Variants in IVNS1ABP observed in about 807,000 individuals in gnomAD.
IVNS1ABP encodes influenza virus NS1A-binding protein.
Under a neutral mutation model 78.9 loss-of-function variants are expected in IVNS1ABP, and 25 were observed. The ratio of observed to expected loss-of-function variants is 0.32; its 90% CI spans 0.23 to 0.44. The LOEUF (loss-of-function observed/expected upper bound fraction) is 0.44, where lower values mean the gene tolerates loss of function less well. IVNS1ABP is among the 20% of genes least tolerant of loss of function. The pLI, the probability that IVNS1ABP is intolerant of heterozygous loss-of-function variation, is 1.00. For missense variants in IVNS1ABP, 494 were observed against 768.9 expected (o/e 0.64, Z 4.23); for synonymous variants, 241 against 259.7 (o/e 0.93, Z 0.69).
intron 10 of IVNS1ABP, 165 bp from the exon 11 acceptor site, chr1:185,300,723 TC>T (rs1665569892): frequency 2.7e-6 from 2 of 751,308 alleles, no homozygotes; most frequent in Admixed American, 5.9e-5. Flanking sequence ...AGCTGAAAAA[TC>T]GCATTATCAG....
At chr1:185,299,061 G>T (rs1187393962) in intron 14 of IVNS1ABP, 1 of 152,236 alleles carries the variant, frequency 6.6e-6, no homozygotes, top group Non-Finnish European at 1.5e-5. Flanking sequence ...CACTTAACCA[G>T]CTTGCATTCT....
In IVNS1ABP at chr1:185,300,502, C is replaced by T; in HGVS notation, c.1177G>A (p.Asp393Asn). Reference protein sequence around the residue: ...RTVECYNPHTDHWSFLAPMRT... With the variant: ...RTVECYNPHTNHWSFLAPMRT... ...ATGGGAGCAAGAAAGGACCAGTGAT[C>T]TGTATGTGGATTATAGCATTCGACT... Residue 393 changes from aspartate (D) to asparagine (N), a missense_variant, in exon 11 of 15, where the codon GAT becomes AAT. Coordinates refer to ENST00000367498, the MANE Select transcript of IVNS1ABP (RefSeq NM_006469.5). 1 of 1,613,620 alleles carries T rather than the reference C, an allele frequency of 6.2e-7. No homozygotes were observed. The highest frequency in any genetic ancestry group is 8.5e-7 in the Non-Finnish European group (1 of 1,179,654).
At chr1:185,308,726 T>C in intron 5 of IVNS1ABP, 74 bp downstream of exon 5, 1 of 1,100,084 alleles carries the variant, frequency 9.1e-7, no homozygotes, top group Non-Finnish European at 1.3e-6. Context: ...ACAAGATGTT[T>C]TATGACAAAT....
At position 185,301,423 on chromosome 1, in the gene IVNS1ABP, C is replaced by A. The variant is rs200849608; in HGVS notation, c.895+11G>T. Reference sequence around the variant, plus strand: ...AAGCTGAAAACAATCTGGCAAGTGTCATATACTTACTTGAAGTCTTTTCTG... The same window carrying A: ...AAGCTGAAAACAATCTGGCAAGTGTAATATACTTACTTGAAGTCTTTTCTG... On this transcript the variant is annotated intron_variant, in intron 9 of 14. Coordinates refer to ENST00000367498, the MANE Select transcript of IVNS1ABP (RefSeq NM_006469.5). The A allele has an allele frequency of 8.6e-5, 139 of 1,612,824 alleles. No individual in the cohort carries two copies. In the South Asian group the frequency reaches 1.4e-3, roughly 16 times the overall value.
Position 185,300,532 on chromosome 1 carries a change from G to C in IVNS1ABP, c.1147C>G (p.Arg383Gly). The change falls in exon 11 of 15, where the codon CGA (arginine) becomes GGA (glycine). Residue 383 changes from arginine to glycine, a missense_variant. Coordinates refer to ENST00000367498, the MANE Select transcript of IVNS1ABP (RefSeq NM_006469.5). ...AGGYNREECL[R>G]TVECYNPHTD... ...TGTGGATTATAGCATTCGACTGTTC[G>C]AAGACATTCCTCTCTGTTATAGCCA... The C allele has an allele frequency of 1.9e-6, 3 of 1,613,300 alleles. 1 individual carries two copies. The South Asian group carries it at 3.3e-5, about 18-fold the overall frequency.
rs759522662 is a variant in IVNS1ABP, at chr1:185,305,678, G to C, written c.658-35C>G. 1.2e-6 allele frequency: 2 copies of C among 1,610,146 alleles called. No homozygotes were observed. Among genetic ancestry groups the C allele is most frequent in the African/African-American group, 1.3e-5 (1 of 74,846 alleles). On this transcript the variant is annotated intron_variant, in intron 7 of 14. Transcript: ENST00000367498. This position sits in a 1 kb window ranked among gnomAD's most constrained non-coding sequence, Gnocchi z 4.0. Reference sequence around the variant, plus strand: ...AGCAACAGAACACCCATGTGGCTACGGTCACCATGGCTACTCCACTAGTAT... The same window carrying C: ...AGCAACAGAACACCCATGTGGCTACCGTCACCATGGCTACTCCACTAGTAT...
At position 185,305,878 on chromosome 1, in the gene IVNS1ABP, CGTT is replaced by C. The variant is rs1465768495; in HGVS notation, c.658-238_658-236del. ...AATCTTCCAATACTGGCTGAAGAGTCGTTGGCTTGATTGGCTTGAAAGAAATCT... is the reference window on the plus strand; with the variant it reads ...AATCTTCCAATACTGGCTGAAGAGTCGGCTTGATTGGCTTGAAAGAAATCT... On this transcript the variant is annotated intron_variant, in intron 7 of 14. Transcript: ENST00000367498. This position sits in a 1 kb window ranked among gnomAD's most constrained non-coding sequence, Gnocchi z 4.0. The C allele has an allele frequency of 2.2e-6, 1 of 449,966 alleles. No homozygotes were observed. Among genetic ancestry groups the C allele is most frequent in the African/African-American group, 2.0e-5 (1 of 49,976 alleles). 27.9% of individuals were successfully genotyped at this position (449,966 alleles called of 1,614,324 possible). A position where few individuals can be genotyped will look rare whatever the true frequency, so the allele number is the denominator to read the frequency against.
At chr1:185,302,619 A>G (rs930732299) in intron 8 of IVNS1ABP, among the ~76,000 whole-genome samples, 9 of 152,206 alleles carry the variant, frequency 5.9e-5, no homozygotes, top group Non-Finnish European at 1.2e-4. Flanking sequence ...AGAAAAAGCT[A>G]TATCAAAAGT....
intron 7 of IVNS1ABP, 60 bp downstream of exon 7, chr1:185,306,954 T>C (rs1439268641): frequency 2.6e-6 from 4 of 1,562,064 alleles, no homozygotes; most frequent in Non-Finnish European, 3.5e-6. Flanking sequence ...AAGGGAATCC[T>C]TCATGTTATA....
At position 185,312,570 on chromosome 1, in the gene IVNS1ABP, G is replaced by C. The variant is rs559333040; in HGVS notation, c.-246-1248C>G. Reference sequence around the variant, plus strand: ...AACATGTGTCCTAACAGGTCTCTCTGTAACAGGTTTCATTTCAAGGAAACC... The same window carrying C: ...AACATGTGTCCTAACAGGTCTCTCTCTAACAGGTTTCATTTCAAGGAAACC... On this transcript the variant is annotated intron_variant, in intron 1 of 14. Coordinates refer to ENST00000367498, the MANE Select transcript of IVNS1ABP (RefSeq NM_006469.5). Among the ~76,000 whole-genome samples, 4 of 152,284 alleles carry C rather than the reference G, an allele frequency of 2.6e-5. No homozygotes were observed. The East Asian group carries it at 7.7e-4, about 29-fold the overall frequency.
At chr1:185,306,833 C>A in intron 7 of IVNS1ABP, 181 bp downstream of exon 7, 1 of 737,288 alleles carries the variant, frequency 1.4e-6, no homozygotes, top group Non-Finnish European at 2.1e-6. Flanking sequence ...AGCAGAAGAC[C>A]AAACTGAACA....
intron 1 of IVNS1ABP, among the ~76,000 whole-genome samples, chr1:185,312,241 C>T (rs2102823232): frequency 6.6e-6 from 1 of 152,280 alleles, no homozygotes; most frequent in South Asian, 2.1e-4. Context: ...AGTCCTCCTA[C>T]CTATTCTCCC....
rs914964907 is a variant in IVNS1ABP, at chr1:185,297,453, C to T, written c.*582G>A. On this transcript the variant is annotated 3_prime_UTR_variant, in exon 15 of 15. Coordinates refer to ENST00000367498, the MANE Select transcript of IVNS1ABP (RefSeq NM_006469.5). ...ACTCTGCTTCAATAACTCCAGCCTG[C>T]CACATTTTACTTCAATTGGTAAAGC... The T allele has an allele frequency of 6.6e-6, 1 of 152,546 alleles. No individual in the cohort carries two copies. Among genetic ancestry groups the T allele is most frequent in the African/African-American group, 2.4e-5 (1 of 41,434 alleles). 9.4% of individuals were successfully genotyped at this position (152,546 alleles called of 1,614,324 possible). A position where few individuals can be genotyped will look rare whatever the true frequency, so the allele number is the denominator to read the frequency against.
intron 10 of IVNS1ABP, 192 bp downstream of exon 10, chr1:185,300,780 G>T: frequency 1.4e-6 from 1 of 692,580 alleles, no homozygotes; most frequent in Non-Finnish European, 2.4e-6. Flanking sequence ...GAAAAATTTA[G>T]CCATGACATA....
chr1:185,309,687 T>C lies in IVNS1ABP; in HGVS notation c.-18-176A>G, dbSNP rs181046458. 4.4e-3 allele frequency among the ~76,000 whole-genome samples: 670 copies of C among 152,342 alleles called. 3 individuals are homozygous for C. The highest frequency in any genetic ancestry group is 0.014 in the Middle Eastern group (4 of 294). On this transcript the variant is annotated intron_variant, in intron 2 of 14. Coordinates refer to ENST00000367498, the MANE Select transcript of IVNS1ABP (RefSeq NM_006469.5). The stretch of plus-strand genomic sequence containing the variant: ...ACACCTGTGTTGAATGTCCAAGTCT[T>C]TGTTCCCTAATACTTTGGTCATAAG...
Position 185,305,434 on chromosome 1 carries a change from G to T in IVNS1ABP, c.765+102C>A. 8.0e-7 allele frequency: 1 copy of T among 1,247,290 alleles called. No homozygotes were observed. Among genetic ancestry groups the T allele is most frequent in the Non-Finnish European group, 1.1e-6 (1 of 886,858 alleles). 77.3% of individuals were successfully genotyped at this position (1,247,290 alleles called of 1,614,324 possible). ...AATGTTTCTGTCCAGTTATACCAATGAAATTGGTCCACTTTCCTTTATTAA... is the reference window on the plus strand; with the variant it reads ...AATGTTTCTGTCCAGTTATACCAATTAAATTGGTCCACTTTCCTTTATTAA... On this transcript the variant is annotated intron_variant, in intron 8 of 14. Transcript: ENST00000367498. This position sits in a 1 kb window ranked among gnomAD's most constrained non-coding sequence, Gnocchi z 4.0.
At chr1:185,308,069 G>T in intron 5 of IVNS1ABP, 1 of 1,541,532 alleles carries the variant, frequency 6.5e-7, no homozygotes, top group East Asian at 2.4e-5. Context: ...AATAGTTTTG[G>T]AAAGACAGCA....
intron 1 of IVNS1ABP, among the ~76,000 whole-genome samples, chr1:185,314,863 G>A (rs1051372063): frequency 1.3e-5 from 2 of 152,184 alleles, no homozygotes; most frequent in Non-Finnish European, 2.9e-5. Context: ...ATGGAGAAGG[G>A]AAGGAAGGAA....
intron 7 of IVNS1ABP, chr1:185,306,028 A>G (rs1246195968): frequency 5.7e-6 from 1 of 175,312 alleles, no homozygotes; most frequent in Admixed American, 5.8e-5. Flanking sequence ...CTTTGCAGAT[A>G]AGTGGTCTGG....
Sources: gnomAD v4.1 joint callset for allele counts (sites outside exome capture counted in the v4.1 genomes callset) on GRCh38, gnomAD v4.1.1 for gene constraint, Gnocchi (gnomAD v3.1) non-coding constraint, MANE v1.5 for transcripts, NCBI Gene and HGNC (gene_info 2026-07-23, HGNC 2026-07-21) for gene names.